Variants in PTPRQ observed in about 807,000 individuals in gnomAD.
The protein encoded by PTPRQ is phosphatidylinositol phosphatase PTPRQ.
Under a neutral mutation model 246.0 loss-of-function variants are expected in PTPRQ, and 199 were observed. That is an observed-to-expected ratio of 0.81 (90% CI 0.72 to 0.91). The LOEUF is 0.91. PTPRQ is among the 40% of genes least tolerant of loss of function. The pLI is 0.00. For synonymous variants in PTPRQ, 869 were observed against 853.2 expected (o/e 1.02, Z -0.32); for missense variants, 2,624 against 2,528.4 (o/e 1.04, Z -0.81).
chr12:80,560,254 G>A (rs1565786804), intron 25 of PTPRQ, among the ~76,000 whole-genome samples: 1 of 152,156 alleles, frequency 6.6e-6, no homozygotes, highest in Non-Finnish European at 1.5e-5. Flanking sequence ...TCAAAGAGAT[G>A]AGCAGAGATT....
At chr12:80,635,844 T>G in intron 35 of PTPRQ, among the ~76,000 whole-genome samples, 1 of 152,130 alleles carries the variant, frequency 6.6e-6, no homozygotes, top group East Asian at 1.9e-4. Context: ...GTAATGCTTA[T>G]AAGCACAAAG....
intron 29 of PTPRQ, among the ~76,000 whole-genome samples, chr12:80,614,348 G>A (rs896767042): frequency 6.6e-6 from 1 of 150,530 alleles, no homozygotes; most frequent in Non-Finnish European, 1.5e-5. Flanking sequence ...CATACACAGA[G>A]ACATATACAG....
intron 33 of PTPRQ, among the ~76,000 whole-genome samples, chr12:80,625,382 G>A (rs1899160950): frequency 6.6e-6 from 1 of 152,132 alleles, no homozygotes; most frequent in African/African-American, 2.4e-5. Flanking sequence ...CCACCCACCA[G>A]GGGATAAGCA....
chr12:80,647,156 G>A (rs537006515), intron 35 of PTPRQ, among the ~76,000 whole-genome samples: 7 of 152,220 alleles, frequency 4.6e-5, no homozygotes, highest in African/African-American at 7.2e-5. Flanking sequence ...ATCTCTCTGC[G>A]ATGGGTGGCA....
At chr12:80,461,735 C>T (rs1198626287) in intron 6 of PTPRQ, among the ~76,000 whole-genome samples, 1 of 148,980 alleles carries the variant, frequency 6.7e-6, no homozygotes, top group Non-Finnish European at 1.5e-5. Context: ...CATGTTTTTT[C>T]TGATAAAATA....
chr12:80,522,020 T>G (rs1247681031), intron 17 of PTPRQ, among the ~76,000 whole-genome samples: 1 of 152,210 alleles, frequency 6.6e-6, no homozygotes, highest in Non-Finnish European at 1.5e-5. Flanking sequence ...CATTTGTTTG[T>G]ATCCTCTTTT....
At chr12:80,603,823 T>C (rs1232298850) in intron 26 of PTPRQ, among the ~76,000 whole-genome samples, 1 of 151,586 alleles carries the variant, frequency 6.6e-6, no homozygotes, top group African/African-American at 2.4e-5. Context: ...CCCTGCCCCA[T>C]CTGTATCATC....
intron 3 of PTPRQ, among the ~76,000 whole-genome samples, chr12:80,450,443 C>G (rs1333495186): frequency 6.6e-6 from 1 of 152,182 alleles, no homozygotes; most frequent in Admixed American, 6.5e-5. Flanking sequence ...AGAGGGCATC[C>G]CTGTCTTGTG....
At chr12:80,485,387 T>C (rs1180192924) in intron 9 of PTPRQ, among the ~76,000 whole-genome samples, 2 of 152,168 alleles carry the variant, frequency 1.3e-5, no homozygotes, top group Non-Finnish European at 2.9e-5. Context: ...CAGCAATCAC[T>C]GGGCCTTAAA....
intron 6 of PTPRQ, 50 bp from the exon 7 acceptor site, chr12:80,468,660 G>C (rs529499242): frequency 6.9e-7 from 1 of 1,443,726 alleles, no homozygotes; most frequent in Admixed American, 2.8e-5. Context: ...AATAGGGTGC[G>C]CTTTCATTTT....
intron 33 of PTPRQ, among the ~76,000 whole-genome samples, chr12:80,627,316 C>A (rs1323899347): frequency 2.0e-5 from 3 of 149,378 alleles, no homozygotes; most frequent in Non-Finnish European, 4.4e-5. Flanking sequence ...ACTCCCTATA[C>A]TTTAGTCCTG....
At chr12:80,535,201 C>T (rs1565770697) in intron 19 of PTPRQ, among the ~76,000 whole-genome samples, 164 bp downstream of exon 19, 2 of 139,540 alleles carry the variant, frequency 1.4e-5, no homozygotes, top group East Asian at 2.0e-4. Context: ...GTAGAAATGT[C>T]AGATACATTT....
chr12:80,649,062 T>A, intron 36 of PTPRQ, 139 bp downstream of exon 36: 1 of 770,012 alleles, frequency 1.3e-6, no homozygotes. Flanking sequence ...CATAAAAGCA[T>A]GACTAATTGC....
intron 8 of PTPRQ, among the ~76,000 whole-genome samples, chr12:80,482,393 T>G (rs1894099899): frequency 6.6e-6 from 1 of 152,092 alleles, no homozygotes; most frequent in Non-Finnish European, 1.5e-5. Flanking sequence ...ATTAAAGACT[T>G]AAATGTCAGA....
rs140978858 is a variant in PTPRQ, at chr12:80,495,199, C to T, written c.1710C>T (p.Ser570=). The T allele has an allele frequency of 2.3e-3, 3,561 of 1,543,630 alleles. 10 individuals carry two copies. The highest frequency in any genetic ancestry group is 5.8e-3 in the Middle Eastern group (34 of 5,860). ...LSVRTRQQVP[S]SIKIINYKNI... is the part of the protein sequence containing the mutation. ...TTCATTCTTCTTTTTAAGTGCCAAGCTCCATTAAAATTATAAACTATAAAA... is the reference window on the plus strand; with the variant it reads ...TTCATTCTTCTTTTTAAGTGCCAAGTTCCATTAAAATTATAAACTATAAAA... Residue 570 remains serine (S), a synonymous_variant, in exon 12 of 45, where the codon AGC becomes AGT. Coordinates refer to ENST00000644991, the MANE Select transcript of PTPRQ (RefSeq NM_001145026.2).
At chr12:80,532,666 T>G (rs1434113424) in intron 17 of PTPRQ, among the ~76,000 whole-genome samples, 1 of 152,140 alleles carries the variant, frequency 6.6e-6, no homozygotes, top group African/African-American at 2.4e-5. Context: ...ATCAAGAGTT[T>G]TAAAAGCCCC....
At chr12:80,610,362 T>C (rs1227691532) in intron 27 of PTPRQ, 77 bp from the exon 28 acceptor site, 1 of 1,282,086 alleles carries the variant, frequency 7.8e-7, no homozygotes, top group East Asian at 2.9e-5. Context: ...ACATCTCACG[T>C]AGCTTTGTAT....
Position 80,679,892 on chromosome 12 carries a change from C to CGT in PTPRQ, c.*872_*873dup, listed in dbSNP as rs1022522931. ...TCAAAAGAGTAATAAAAACACTGTGCGTGTTTCAAGCTTGTAAACCAATGA... is the reference window on the plus strand; with the variant it reads ...TCAAAAGAGTAATAAAAACACTGTGCGTGTGTTTCAAGCTTGTAAACCAATGA... On this transcript the variant is annotated 3_prime_UTR_variant, in exon 45 of 45. Coordinates refer to ENST00000644991, the MANE Select transcript of PTPRQ (RefSeq NM_001145026.2). 4 of 151,834 alleles carry CGT rather than the reference C, an allele frequency of 2.6e-5. No individual in the cohort carries two copies. Among genetic ancestry groups the CGT allele is most frequent in the Non-Finnish European group, 5.9e-5 (4 of 67,898 alleles). The allele number at this position is 151,834 out of a possible 1,614,324, so 9.4% of individuals were successfully genotyped here.
At chr12:80,677,275 G>T (rs1901174633) in intron 43 of PTPRQ, among the ~76,000 whole-genome samples, 1 of 152,096 alleles carries the variant, frequency 6.6e-6, no homozygotes, top group African/African-American at 2.4e-5. Context: ...ACTGTGTCAT[G>T]TATGTTTGAA....
Sources: allele counts gnomAD v4.1 joint callset (sites outside exome capture counted in the v4.1 genomes callset), GRCh38; gene constraint gnomAD v4.1.1; transcripts MANE v1.5; gene names NCBI Gene and HGNC (gene_info 2026-07-23, HGNC 2026-07-21).